The following TERF2 variants were observed in gnomAD, a reference collection of about 807,000 sequenced individuals.
The protein encoded by TERF2 is telomeric repeat-binding factor 2.
A neutral mutation model predicts 56.1 loss-of-function variants in TERF2; 16 were observed. That is an observed-to-expected ratio of 0.29 (90% CI 0.19 to 0.43). The LOEUF is 0.43. Among genes scored for constraint, TERF2 ranks in the 20% least tolerant of loss-of-function variants. The pLI is 1.00. For missense variants in TERF2, 547 were observed against 712.9 expected (o/e 0.77, Z 2.65); for synonymous variants, 296 against 282.1 (o/e 1.05, Z -0.50).
intron 7 of TERF2, among the ~76,000 whole-genome samples, chr16:69,363,780 T>C (rs2013235461): frequency 6.6e-6 from 1 of 152,160 alleles, no homozygotes; most frequent in African/African-American, 2.4e-5. Context: ...GAGACCAGCC[T>C]ACATGGTCAA....
At chr16:69,369,415 C>A (rs1597249250) in intron 5 of TERF2, among the ~76,000 whole-genome samples, 1 of 152,140 alleles carries the variant, frequency 6.6e-6, no homozygotes, top group Admixed American at 6.5e-5. Context: ...CTTCCCACTT[C>A]AGCCTCCCAA....
intron 7 of TERF2, chr16:69,364,884 A>C (rs570072480): frequency 1.3e-5 from 2 of 152,328 alleles, no homozygotes; most frequent in Admixed American, 6.5e-5. Context: ...TTCACTTTGC[A>C]AGCCTGTCTC....
chr16:69,378,319 T>C (rs917633773), intron 3 of TERF2, among the ~76,000 whole-genome samples: 13 of 152,190 alleles, frequency 8.5e-5, no homozygotes, highest in Non-Finnish European at 1.8e-4. Context: ...ATTTGTTCCA[T>C]GTTCTGGGGA....
chr16:69,370,819 T>A (rs780153680), intron 4 of TERF2, among the ~76,000 whole-genome samples, 190 bp from the exon 5 acceptor site: 2 of 152,202 alleles, frequency 1.3e-5, no homozygotes, highest in Admixed American at 6.5e-5. Flanking sequence ...AGTGGGTTAC[T>A]ATGCAGCTAT....
At chr16:69,358,191 T>A (rs2142701266) in intron 8 of TERF2, among the ~76,000 whole-genome samples, 1 of 152,322 alleles carries the variant, frequency 6.6e-6, no homozygotes, top group South Asian at 2.1e-4. Context: ...TTTTTTGTAT[T>A]TTTAGTACAG....
intron 3 of TERF2, among the ~76,000 whole-genome samples, chr16:69,380,452 A>T (rs1159977850): frequency 6.6e-6 from 1 of 151,716 alleles, no homozygotes; most frequent in African/African-American, 2.4e-5. Flanking sequence ...TGAGGTCAGG[A>T]GTGCAAGACC....
chr16:69,384,609 C>T lies in TERF2; in HGVS notation c.577G>A (p.Glu193Lys), dbSNP rs2014120642. 11 of 1,613,806 alleles carry T rather than the reference C, an allele frequency of 6.8e-6. No individual in the cohort carries two copies. Among genetic ancestry groups the T allele is most frequent in the Non-Finnish European group, 9.3e-6 (11 of 1,179,970 alleles). The change falls in exon 3 of 10, where the codon GAA (glutamate) becomes AAA (lysine). Residue 193 changes from glutamate (E) to lysine (K), a missense_variant. By Grantham distance (56) the Glu-to-Lys change is moderately conservative. This residue lies in a region of TERF2 where 97 missense variants were observed against 157.0 expected (regional missense o/e 0.62). Transcript: ENST00000254942. ...TCCTTGACCAGTTTTCTACTGGATTCGACCACTGCTTCTGTCAGTGTAAAT... is the reference window on the plus strand; with the variant it reads ...TCCTTGACCAGTTTTCTACTGGATTTGACCACTGCTTCTGTCAGTGTAAAT... The part of the protein sequence containing the change: ...TEFTLTEAVV[E>K]SSRKLVKEAA...
intron 9 of TERF2, 35 bp from the exon 10 acceptor site, chr16:69,357,091 T>C: frequency 6.3e-7 from 1 of 1,586,228 alleles, no homozygotes; most frequent in Non-Finnish European, 8.6e-7. Context: ...ATTACCACCT[T>C]TCCTCTCCAC....
intron 3 of TERF2, among the ~76,000 whole-genome samples, chr16:69,375,086 C>T (rs1218655131): frequency 6.6e-6 from 1 of 152,144 alleles, no homozygotes; most frequent in Non-Finnish European, 1.5e-5. Context: ...GGTACACTAT[C>T]AATAGTTCAC....
At chr16:69,373,805 C>T (rs1297105891) in intron 3 of TERF2, among the ~76,000 whole-genome samples, 1 of 152,144 alleles carries the variant, frequency 6.6e-6, no homozygotes, top group Non-Finnish European at 1.5e-5. Flanking sequence ...TGCACTCCAG[C>T]TTGGGCGAAA....
At chr16:69,370,728 G>A (rs915619751) in intron 4 of TERF2, 99 bp from the exon 5 acceptor site, 3 of 1,192,828 alleles carry the variant, frequency 2.5e-6, no homozygotes, top group East Asian at 2.4e-5. Context: ...CTTCTGCAAT[G>A]CCGTCAATGC....
rs1244673970 is a variant in TERF2 at position 69,385,944 on chromosome 16, G to A, written c.28C>T (p.Pro10Ser). The A allele has an allele frequency of 2.4e-5, 33 of 1,364,812 alleles. No individual in the cohort carries two copies. Among genetic ancestry groups the A allele is most frequent in the African/African-American group, 3.0e-5 (2 of 65,648 alleles). The allele number at this position is 1,364,812 out of a possible 1,614,324, so 84.5% of individuals were successfully genotyped here. The change falls in exon 1 of 10, where the codon CCC becomes TCC. Residue 10 changes from proline (P) to serine (S), a missense_variant. Pro to Ser is a moderately conservative substitution (Grantham distance 74). Coordinates refer to ENST00000254942, the MANE Select transcript of TERF2 (RefSeq NM_005652.5). MAAGAGTAG[P>S]ASGPGVVRDP... ...CGCACGACGCCCGGGCCGGAAGCGGGGCCCGCCGTCCCGGCTCCCGCGGCC... is the reference window on the plus strand; with the variant it reads ...CGCACGACGCCCGGGCCGGAAGCGGAGCCCGCCGTCCCGGCTCCCGCGGCC...
intron 3 of TERF2, among the ~76,000 whole-genome samples, chr16:69,378,856 A>G (rs2013889361): frequency 6.6e-6 from 1 of 152,086 alleles, no homozygotes; most frequent in Non-Finnish European, 1.5e-5. Context: ...TGAAGCAAGA[A>G]AGGAAATATG....
Position 69,357,542 on chromosome 16 carries a change from A to C in TERF2, c.1446T>G (p.Ser482Arg). ...FQVQAAPDED[S>R]TTNITKKQKW... ...CCTGCTTTTTTGTTATATTGGTTGTACTGTCTTCATCTGGTGCTGCTGGAA... is the reference window on the plus strand; with the variant it reads ...CCTGCTTTTTTGTTATATTGGTTGTCCTGTCTTCATCTGGTGCTGCTGGAA... Residue 482 changes from serine to arginine, a missense_variant, in exon 9 of 10, where the codon AGT becomes AGG. Coordinates refer to ENST00000254942, the MANE Select transcript of TERF2 (RefSeq NM_005652.5). 1 of 1,613,742 alleles carries C rather than the reference A, an allele frequency of 6.2e-7. No individual in the cohort carries two copies. The highest frequency in any genetic ancestry group is 8.5e-7 in the Non-Finnish European group (1 of 1,179,906).
At chr16:69,360,923 T>C (rs1296481596) in intron 8 of TERF2, among the ~76,000 whole-genome samples, 9 of 152,000 alleles carry the variant, frequency 5.9e-5, no homozygotes, top group Non-Finnish European at 1.5e-5. Context: ...CATTATTTAA[T>C]GGGAGAGGAC....
chr16:69,362,790 A>G (rs1373776165), intron 7 of TERF2, among the ~76,000 whole-genome samples: 5 of 152,226 alleles, frequency 3.3e-5, no homozygotes, highest in Non-Finnish European at 7.3e-5. Flanking sequence ...TTTTACAAAC[A>G]TGGAAAGTGT....
At chr16:69,371,759 G>C (rs1342383068) in intron 4 of TERF2, among the ~76,000 whole-genome samples, 1 of 152,040 alleles carries the variant, frequency 6.6e-6, no homozygotes, top group South Asian at 2.1e-4. Context: ...AGGCTGCAGT[G>C]AACTATGACT....
intron 7 of TERF2, among the ~76,000 whole-genome samples, chr16:69,364,140 G>A (rs1187818812): frequency 1.3e-5 from 2 of 152,128 alleles, no homozygotes; most frequent in African/African-American, 4.8e-5. Context: ...ATTTTACTTG[G>A]TGAATAAATA....
At chr16:69,381,338 G>T (rs1488731797) in intron 3 of TERF2, among the ~76,000 whole-genome samples, 4 of 152,160 alleles carry the variant, frequency 2.6e-5, no homozygotes, top group Non-Finnish European at 5.9e-5. Context: ...ACTGTAATTT[G>T]TCAGTTGTTC....
Sources: gnomAD v4.1 joint callset for allele counts (sites outside exome capture counted in the v4.1 genomes callset) on GRCh38, gnomAD v4.1.1 for gene constraint, gnomAD v4.1.1 regional missense constraint, MANE v1.5 for transcripts, NCBI Gene and HGNC (gene_info 2026-07-23, HGNC 2026-07-21) for gene names.